Variants in PDE3B observed in about 807,000 individuals in gnomAD.
PDE3B encodes phosphodiesterase 3B.
In PDE3B, 66 loss-of-function variants were observed where a neutral mutation model predicts 116.8. The ratio of observed to expected loss-of-function variants is 0.56; its 90% CI spans 0.46 to 0.69. The LOEUF (loss-of-function observed/expected upper bound fraction) is 0.69. Among genes scored for constraint, PDE3B ranks in the 30% least tolerant of loss-of-function variants. PDE3B has a pLI of 0.00. For synonymous variants in PDE3B, 595 were observed against 533.6 expected, an observed-to-expected ratio of 1.12 and a Z score of -1.59; for missense variants, 1,384 against 1,368.1, an observed-to-expected ratio of 1.01 and a Z score of -0.18.
chr11:14,747,944 G>A (rs548628565), intron 1 of PDE3B, among the ~76,000 whole-genome samples: 2 of 152,050 alleles, frequency 1.3e-5, no homozygotes, highest in Admixed American at 6.6e-5. Context: ...TACCACATAC[G>A]TAATGACAAG....
chr11:14,838,095 C>T (rs1860114028), intron 11 of PDE3B, among the ~76,000 whole-genome samples: 1 of 152,026 alleles, frequency 6.6e-6, no homozygotes, highest in South Asian at 2.1e-4. Context: ...TCTCCTGCCT[C>T]AGCCTCCCGA....
the PDE3B span, chr11:14,892,176 G>T: frequency 1.2e-6 from 2 of 1,610,630 alleles, no homozygotes; most frequent in East Asian, 2.2e-5. Context: ...GCGCCGCCGC[G>T]CCCTCTTCAG....
chr11:14,743,035 C>T (rs1856812892), intron 1 of PDE3B, among the ~76,000 whole-genome samples: 1 of 152,166 alleles, frequency 6.6e-6, no homozygotes, highest in African/African-American at 2.4e-5. Flanking sequence ...AGTCAGGAGG[C>T]ACGGGGGTCA....
chr11:14,675,876 A>G (rs1376281928), intron 1 of PDE3B, among the ~76,000 whole-genome samples: 1 of 152,130 alleles, frequency 6.6e-6, no homozygotes, highest in Admixed American at 6.6e-5. Context: ...TTGTGGAGAC[A>G]TGTATTCATT....
chr11:14,664,885 GA>G (rs1485870471), intron 1 of PDE3B, among the ~76,000 whole-genome samples: 4 of 151,992 alleles, frequency 2.6e-5, no homozygotes, highest in Non-Finnish European at 5.9e-5. Context: ...CCAATCAATA[GA>G]AAAAGAGGGA....
At chr11:14,853,331 T>G (rs1847791681) in intron 12 of PDE3B, among the ~76,000 whole-genome samples, 1 of 152,254 alleles carries the variant, frequency 6.6e-6, no homozygotes, top group South Asian at 2.1e-4. Context: ...GGGATTTTTG[T>G]CTTTTATTCC....
At chr11:14,685,725 G>A (rs1212125895) in intron 1 of PDE3B, among the ~76,000 whole-genome samples, 1 of 152,024 alleles carries the variant, frequency 6.6e-6, no homozygotes, top group Admixed American at 6.6e-5. Context: ...CAAAGTGCTA[G>A]GATTACAGGC....
intron 5 of PDE3B, among the ~76,000 whole-genome samples, chr11:14,815,905 C>G (rs1859310344): frequency 2.0e-5 from 3 of 151,612 alleles, no homozygotes; most frequent in Non-Finnish European, 4.4e-5. Context: ...TATTTATCAT[C>G]AGATTGGCAA....
chr11:14,678,857 T>A (rs1854608704), intron 1 of PDE3B, among the ~76,000 whole-genome samples: 1 of 152,200 alleles, frequency 6.6e-6, no homozygotes, highest in Admixed American at 6.5e-5. Flanking sequence ...TTTCTTATGT[T>A]TTCTTATAAA....
At chr11:14,712,836 G>A (rs2133830284) in intron 1 of PDE3B, among the ~76,000 whole-genome samples, 1 of 152,240 alleles carries the variant, frequency 6.6e-6, no homozygotes, top group Non-Finnish European at 1.5e-5. Context: ...TTCTTTGCAA[G>A]CAATTGTATA....
chr11:14,879,056 T>G, the PDE3B span: 3 of 1,321,810 alleles, frequency 2.3e-6, no homozygotes, highest in Non-Finnish European at 2.2e-6. Context: ...AGATGCTGTA[T>G]CTAATGAATT....
chr11:14,892,160 C>T, the PDE3B span: 4 of 1,610,730 alleles, frequency 2.5e-6, no homozygotes, highest in Non-Finnish European at 3.4e-6. Flanking sequence ...AAGAGCGCGC[C>T]GCCGAGCGCC....
In PDE3B at chr11:14,866,784, A is replaced by G. The variant is rs141868010; in HGVS notation, c.2887-722A>G. Among the ~76,000 whole-genome samples, 209 of 152,292 alleles carry G rather than the reference A, an allele frequency of 1.4e-3. 1 individual carries two copies. Among genetic ancestry groups the G allele is most frequent in the African/African-American group, 4.9e-3 (203 of 41,562 alleles). ...GGAGAATGCTCAGTACTTGCTAAACACTTTATATTAATATTTCCTTTAACC... is the reference window on the plus strand; with the variant it reads ...GGAGAATGCTCAGTACTTGCTAAACGCTTTATATTAATATTTCCTTTAACC... On this transcript the variant is annotated intron_variant, in intron 14 of 15. Transcript: ENST00000282096.
At chr11:14,691,024 C>G (rs969902857) in intron 1 of PDE3B, among the ~76,000 whole-genome samples, 1 of 151,888 alleles carries the variant, frequency 6.6e-6, no homozygotes, top group African/African-American at 2.4e-5. Context: ...AAGGCAATAG[C>G]AAGAGAGGTT....
At chr11:14,866,218 G>A (rs1310220617) in intron 14 of PDE3B, among the ~76,000 whole-genome samples, 2 of 152,114 alleles carry the variant, frequency 1.3e-5, no homozygotes, top group Admixed American at 6.6e-5. Context: ...AAAACAATAT[G>A]TTATCTCAGA....
At chr11:14,898,600 G>T in the PDE3B span, among the ~76,000 whole-genome samples, 7 of 152,142 alleles carry the variant, frequency 4.6e-5, no homozygotes, top group African/African-American at 1.7e-4. Flanking sequence ...TACGGATGTG[G>T]AAGTTGAGGT....
chr11:14,791,740 G>T (rs1277440460), intron 4 of PDE3B, among the ~76,000 whole-genome samples: 1 of 151,962 alleles, frequency 6.6e-6, no homozygotes, highest in Non-Finnish European at 1.5e-5. Context: ...TGTGATTGCA[G>T]TTGTCCCTGG....
chr11:14,839,696 A>G (rs2084128136), intron 11 of PDE3B, among the ~76,000 whole-genome samples: 1 of 152,222 alleles, frequency 6.6e-6, no homozygotes, highest in South Asian at 2.1e-4. Flanking sequence ...CTATTGTCTT[A>G]GTTCTGGGCT....
At chr11:14,709,313 C>T (rs1049249064) in intron 1 of PDE3B, among the ~76,000 whole-genome samples, 2 of 152,006 alleles carry the variant, frequency 1.3e-5, no homozygotes, top group African/African-American at 4.8e-5. Flanking sequence ...AGGATACTTA[C>T]CATGTTTTAT....
Sources: gnomAD v4.1 joint callset for allele counts (sites outside exome capture counted in the v4.1 genomes callset) on GRCh38, gnomAD v4.1.1 for gene constraint, MANE v1.5 for transcripts, NCBI Gene and HGNC (gene_info 2026-07-23, HGNC 2026-07-21) for gene names.